The following STXBP5L variants were observed in gnomAD, a reference collection of about 807,000 sequenced individuals.
STXBP5L encodes syntaxin-binding protein 5-like.
A neutral mutation model predicts 144.5 loss-of-function variants in STXBP5L; 65 were observed. The ratio of observed to expected loss-of-function variants is 0.45; its 90% CI spans 0.37 to 0.55. The LOEUF is 0.55. Ranked by LOEUF, STXBP5L falls within the 20% of genes least tolerant of loss-of-function variation. STXBP5L has a pLI of 0.00. For synonymous variants in STXBP5L, 505 were observed against 469.6 expected, an observed-to-expected ratio of 1.08 and a Z score of -0.97; for missense variants, 1,298 against 1,405.5, an observed-to-expected ratio of 0.92 and a Z score of 1.22.
chr3:121,152,650 A>T, intron 8 of STXBP5L, 90 bp downstream of exon 8: 1 of 928,436 alleles, frequency 1.1e-6, no homozygotes, highest in South Asian at 1.9e-5. Context: ...CAGTATGTTT[A>T]GCCTTGGAAA....
chr3:121,382,963 G>C (rs2046351721), intron 22 of STXBP5L, among the ~76,000 whole-genome samples: 1 of 152,058 alleles, frequency 6.6e-6, no homozygotes, highest in Admixed American at 6.6e-5. Flanking sequence ...ATTCTTTCAA[G>C]ACTCTAGTTA....
At chr3:121,406,851 T>G (rs1334458917) in intron 22 of STXBP5L, among the ~76,000 whole-genome samples, 1 of 152,050 alleles carries the variant, frequency 6.6e-6, no homozygotes, top group East Asian at 1.9e-4. Flanking sequence ...TTTTTAAAAT[T>G]TTCTTTTTTA....
chr3:121,125,313 A>G (rs1231878274), intron 7 of STXBP5L, among the ~76,000 whole-genome samples: 6 of 152,050 alleles, frequency 3.9e-5, no homozygotes, highest in Admixed American at 3.9e-4. Context: ...TACCAAAAAC[A>G]CACAAAAAAT....
Position 121,058,648 on chromosome 3 carries a change from A to G in STXBP5L, c.470+13113A>G, listed in dbSNP as rs191903391. Among the ~76,000 whole-genome samples the G allele has an allele frequency of 7.0e-4, 107 of 152,254 alleles. 1 individual carries two copies. In the East Asian group the frequency reaches 0.016, roughly 23 times the overall value. ...CCTCTCCAGCATCTGTTGTTTCCTG[A>G]CTTTTTAATCATAGCCATTCTAACT... On this transcript the variant is annotated intron_variant, in intron 5 of 26. Transcript: ENST00000471454.
intron 18 of STXBP5L, among the ~76,000 whole-genome samples, chr3:121,267,014 C>A (rs2050587147): frequency 1.3e-5 from 2 of 151,826 alleles, no homozygotes; most frequent in Admixed American, 6.6e-5. Flanking sequence ...CAATGCTATC[C>A]CCATCAAGCT....
intron 5 of STXBP5L, among the ~76,000 whole-genome samples, chr3:121,059,510 A>T (rs989834117): frequency 3.9e-5 from 6 of 152,158 alleles, no homozygotes; most frequent in Non-Finnish European, 7.3e-5. Flanking sequence ...AATTCTGTGA[A>T]GAATGTCAGT....
intron 9 of STXBP5L, among the ~76,000 whole-genome samples, chr3:121,179,580 C>T (rs1394411271): frequency 6.6e-6 from 1 of 152,050 alleles, no homozygotes; most frequent in Non-Finnish European, 1.5e-5. Flanking sequence ...GGATCCAACC[C>T]AAGAAGAAAT....
intron 5 of STXBP5L, among the ~76,000 whole-genome samples, chr3:121,105,464 A>G (rs748201300): frequency 4.6e-5 from 7 of 151,842 alleles, no homozygotes; most frequent in South Asian, 2.1e-4. Flanking sequence ...AATGATCAAC[A>G]TCACTAATTA....
In STXBP5L at chr3:121,381,518, T is replaced by C; in HGVS notation, c.2573T>C (p.Met858Thr). 6.3e-7 allele frequency: 1 copy of C among 1,592,856 alleles called. No homozygotes were observed. The highest frequency in any genetic ancestry group is 8.5e-7 in the Non-Finnish European group (1 of 1,174,180). The change falls in exon 22 of 27, where the codon ATG becomes ACG. Residue 858 changes from methionine to threonine, a missense_variant. Met to Thr is a moderately conservative substitution (Grantham distance 81). Coordinates refer to ENST00000471454, the MANE Select transcript of STXBP5L (RefSeq NM_001308330.2). The stretch of plus-strand genomic sequence containing the variant: ...GAACAAAGGTTTACAGAGCCAGTCA[T>C]GGTATTGCCAAGTGGTAAGAGTTTG... ...ADEQRFTEPVMVLPSGTFLSL... is the reference protein window; with the variant it reads ...ADEQRFTEPVTVLPSGTFLSL...
chr3:121,058,484 T>C (rs1454706881), intron 5 of STXBP5L, among the ~76,000 whole-genome samples: 1 of 152,252 alleles, frequency 6.6e-6, no homozygotes, highest in Non-Finnish European at 1.5e-5. Flanking sequence ...CCTTTGGTTA[T>C]ATACCCAGTA....
intron 5 of STXBP5L, among the ~76,000 whole-genome samples, chr3:121,086,711 G>C (rs924919563): frequency 4.6e-5 from 7 of 152,064 alleles, no homozygotes; most frequent in African/African-American, 1.7e-4. Context: ...ATGTTCCAAT[G>C]AGCATTTCCT....
At chr3:120,971,795 C>T (rs1203252267) in intron 3 of STXBP5L, among the ~76,000 whole-genome samples, 3 of 145,432 alleles carry the variant, frequency 2.1e-5, no homozygotes, top group Non-Finnish European at 4.6e-5. Context: ...TATATATATA[C>T]ACACATATAT....
chr3:121,388,760 TAAGC>T (rs905677734), intron 22 of STXBP5L, among the ~76,000 whole-genome samples: 9 of 152,224 alleles, frequency 5.9e-5, no homozygotes, highest in Non-Finnish European at 1.3e-4. Context: ...TCGTGGTGGA[TAAGC>T]TTTTCGATGT....
At chr3:120,951,951 T>C (rs576186078) in intron 2 of STXBP5L, among the ~76,000 whole-genome samples, 6 of 151,826 alleles carry the variant, frequency 4.0e-5, no homozygotes, top group Non-Finnish European at 8.8e-5. Context: ...GTGGCACATA[T>C]ACACCATGGA....
intron 18 of STXBP5L, among the ~76,000 whole-genome samples, chr3:121,278,908 G>T (rs990119750): frequency 6.6e-6 from 1 of 151,402 alleles, no homozygotes; most frequent in African/African-American, 2.4e-5. Flanking sequence ...ATGGGTAGAA[G>T]TGTTGTTGTT....
At chr3:121,112,161 G>A (rs1399189394) in intron 5 of STXBP5L, among the ~76,000 whole-genome samples, 2 of 151,786 alleles carry the variant, frequency 1.3e-5, no homozygotes, top group African/African-American at 4.8e-5. Flanking sequence ...TTAGGCAACA[G>A]GCAGCTGCAA....
chr3:121,035,369 C>G (rs1946679187), intron 3 of STXBP5L, among the ~76,000 whole-genome samples: 1 of 152,086 alleles, frequency 6.6e-6, no homozygotes, highest in Admixed American at 6.6e-5. Flanking sequence ...TTTACTCCAT[C>G]TTGAGTTGGT....
chr3:121,216,548 C>T (rs1255377953), intron 10 of STXBP5L, among the ~76,000 whole-genome samples: 1 of 152,174 alleles, frequency 6.6e-6, no homozygotes, highest in African/African-American at 2.4e-5. Context: ...CTGTTCCTTC[C>T]TCTGGAAGCT....
chr3:121,274,888 G>A (rs1224049160), intron 18 of STXBP5L, among the ~76,000 whole-genome samples: 2 of 152,176 alleles, frequency 1.3e-5, no homozygotes, highest in East Asian at 3.8e-4. Flanking sequence ...ACAGGGGCAG[G>A]ATGCAGAGCA....
Sources: allele counts gnomAD v4.1 joint callset (sites outside exome capture counted in the v4.1 genomes callset), GRCh38; gene constraint gnomAD v4.1.1; transcripts MANE v1.5; gene names NCBI Gene and HGNC (gene_info 2026-07-23, HGNC 2026-07-21).